The following CACNB2 variants were observed in gnomAD, a reference collection of about 807,000 sequenced individuals.
The protein encoded by CACNB2 is calcium voltage-gated channel auxiliary subunit beta 2.
Under a neutral mutation model 73.3 loss-of-function variants are expected in CACNB2, and 42 were observed. The observed-to-expected ratio is 0.57, with a 90% CI of 0.45 to 0.74. The LOEUF is 0.74. Ranked by LOEUF, CACNB2 falls within the 30% of genes least tolerant of loss-of-function variation. CACNB2 has a pLI of 0.00. For synonymous variants in CACNB2, 348 were observed against 310.3 expected, an observed-to-expected ratio of 1.12 and a Z score of -1.28; for missense variants, 940 against 853.0, an observed-to-expected ratio of 1.10 and a Z score of -1.27.
chr10:18,299,025 A>G (rs968312419), intron 2 of CACNB2, among the ~76,000 whole-genome samples: 2 of 150,796 alleles, frequency 1.3e-5, no homozygotes, highest in Non-Finnish European at 2.9e-5. Context: ...CATGTAACAA[A>G]CCTGCACGTT....
chr10:18,490,816 T>A (rs2049366776), intron 3 of CACNB2, among the ~76,000 whole-genome samples: 1 of 127,328 alleles, frequency 7.9e-6, no homozygotes, highest in South Asian at 2.6e-4. Flanking sequence ...TCTACAGCTA[T>A]GACCAAGCCT....
intron 2 of CACNB2, among the ~76,000 whole-genome samples, chr10:18,277,140 G>A (rs2038330647): frequency 6.6e-6 from 1 of 152,114 alleles, no homozygotes; most frequent in South Asian, 2.1e-4. Context: ...GTCATGGAGG[G>A]TCATGGCAAG....
chr10:18,356,056 C>T (rs547284605), intron 2 of CACNB2, among the ~76,000 whole-genome samples: 3 of 152,300 alleles, frequency 2.0e-5, no homozygotes, highest in African/African-American at 7.2e-5. Context: ...ACTCTGGCAC[C>T]CCAAGGCTGC....
chr10:18,262,058 G>T, intron 2 of CACNB2: 3 of 518,242 alleles, frequency 5.8e-6, no homozygotes, highest in South Asian at 4.2e-5. Context: ...TTCAGGAAGG[G>T]TTGTAAAAGG....
chr10:18,519,609 G>A (rs2051642220), intron 9 of CACNB2: 1 of 428,252 alleles, frequency 2.3e-6, no homozygotes. Flanking sequence ...CTCCTCATGA[G>A]TATTTCCTGT....
At position 18,145,970 on chromosome 10, in the gene CACNB2, C is replaced by T. The variant is rs145313602; in HGVS notation, c.121-4913C>T. Reference sequence around the variant, plus strand: ...TTCCTGGCCTCCTCCTTCCTCCCTCCTCCCTCCTGTACCTGCTAGACACCC... The same window carrying T: ...TTCCTGGCCTCCTCCTTCCTCCCTCTTCCCTCCTGTACCTGCTAGACACCC... On this transcript the variant is annotated intron_variant, in intron 1 of 13. Transcript: ENST00000324631. 2.5e-3 allele frequency among the ~76,000 whole-genome samples: 378 copies of T among 152,262 alleles called. 8 individuals carry two copies. Among genetic ancestry groups the T allele is most frequent in the Admixed American group, 0.023 (351 of 15,294 alleles).
At chr10:18,429,770 G>GGCTGCAATGAGCTGTGAT (rs2045787401) in intron 3 of CACNB2, among the ~76,000 whole-genome samples, 1 of 119,466 alleles carries the variant, frequency 8.4e-6, no homozygotes, top group African/African-American at 3.3e-5. Flanking sequence ...AGGAGTTCAA[G>GGCTGCAATGAGCTGTGAT]ACCAGCTTGG....
At chr10:18,162,080 C>T (rs2032509381) in intron 2 of CACNB2, among the ~76,000 whole-genome samples, 1 of 152,054 alleles carries the variant, frequency 6.6e-6, no homozygotes, top group Admixed American at 6.6e-5. Flanking sequence ...ATTCTTTTCT[C>T]TCTCATATTT....
intron 2 of CACNB2, among the ~76,000 whole-genome samples, chr10:18,292,238 G>A (rs2039093949): frequency 6.6e-6 from 1 of 152,148 alleles, no homozygotes; most frequent in Admixed American, 6.5e-5. Context: ...AAACAAGATA[G>A]CATAGCTGTT....
chr10:18,482,452 T>A (rs1283347780), intron 3 of CACNB2, among the ~76,000 whole-genome samples: 2 of 152,114 alleles, frequency 1.3e-5, no homozygotes, highest in Non-Finnish European at 2.9e-5. Flanking sequence ...AGTTATAATA[T>A]CTCCTGGCTA....
At chr10:18,473,455 G>T (rs149691199) in intron 3 of CACNB2, among the ~76,000 whole-genome samples, 83 of 152,316 alleles carry the variant, frequency 5.4e-4, no homozygotes, top group African/African-American at 1.9e-3. Flanking sequence ...TGTTGCGCTT[G>T]CTCCTTCCCT....
chr10:18,442,450 G>A (rs112496760), intron 3 of CACNB2, among the ~76,000 whole-genome samples: 29 of 151,714 alleles, frequency 1.9e-4, no homozygotes, highest in African/African-American at 6.0e-4. Context: ...ACGCCTGGCC[G>A]AATCTGGTTC....
intron 2 of CACNB2, among the ~76,000 whole-genome samples, chr10:18,249,976 C>G (rs146665117): frequency 1.2e-3 from 179 of 152,308 alleles, no homozygotes; most frequent in African/African-American, 3.5e-3. Context: ...CCATCTCCCC[C>G]CTTCCAGCTT....
chr10:18,153,152 T>C (rs2031745017), intron 2 of CACNB2, among the ~76,000 whole-genome samples: 2 of 152,324 alleles, frequency 1.3e-5, no homozygotes, highest in South Asian at 4.1e-4. Context: ...TAATGTAAAT[T>C]TTAGTATATA....
At chr10:18,525,054 TTA>T (rs2052337300) in intron 9 of CACNB2, among the ~76,000 whole-genome samples, 1 of 144,684 alleles carries the variant, frequency 6.9e-6, no homozygotes, top group Admixed American at 7.0e-5. Flanking sequence ...AAAAAACACA[TTA>T]TATGACATAG....
At chr10:18,491,404 C>T (rs1048333232) in intron 3 of CACNB2, among the ~76,000 whole-genome samples, 6 of 152,074 alleles carry the variant, frequency 3.9e-5, no homozygotes, top group Admixed American at 2.0e-4. Context: ...GGCATCAAAG[C>T]GAGACCTCAT....
intron 3 of CACNB2, among the ~76,000 whole-genome samples, chr10:18,490,419 T>G (rs1256611855): frequency 6.6e-6 from 1 of 152,146 alleles, no homozygotes; most frequent in Non-Finnish European, 1.5e-5. Context: ...AATCAATTCC[T>G]TTTTTTCTTG....
At chr10:18,341,483 G>T (rs2041230354) in intron 2 of CACNB2, among the ~76,000 whole-genome samples, 1 of 152,076 alleles carries the variant, frequency 6.6e-6, no homozygotes, top group South Asian at 2.1e-4. Flanking sequence ...TAAACATAAA[G>T]CTTTGCCACA....
chr10:18,159,201 A>G (rs1382469569), intron 2 of CACNB2, among the ~76,000 whole-genome samples: 1 of 152,006 alleles, frequency 6.6e-6, no homozygotes, highest in Non-Finnish European at 1.5e-5. Context: ...ATTCCACAGC[A>G]TGGCCATTTT....
Sources: gnomAD v4.1 joint callset for allele counts (sites outside exome capture counted in the v4.1 genomes callset) on GRCh38, gnomAD v4.1.1 for gene constraint, MANE v1.5 for transcripts, NCBI Gene and HGNC (gene_info 2026-07-23, HGNC 2026-07-21) for gene names.